The following PLXNC1 variants were observed in gnomAD, a reference collection of about 807,000 sequenced individuals.
The protein encoded by PLXNC1 is plexin-C1.
A neutral mutation model predicts 178.2 loss-of-function variants in PLXNC1; 75 were observed. The observed-to-expected ratio is 0.42, with a 90% CI of 0.35 to 0.51. The LOEUF is 0.51. PLXNC1 is among the 20% of genes least tolerant of loss of function. PLXNC1 has a pLI of 0.02. For synonymous variants in PLXNC1, 790 were observed against 779.9 expected (o/e 1.01, Z -0.22); for missense variants, 1,503 against 1,984.4 (o/e 0.76, Z 4.61).
At chr12:94,261,263 C>G (rs562726848) in intron 20 of PLXNC1, among the ~76,000 whole-genome samples, 2 of 152,190 alleles carry the variant, frequency 1.3e-5, no homozygotes, top group Non-Finnish European at 1.5e-5. Context: ...CCAGTCATTC[C>G]GCATTAAAGC....
At chr12:94,153,709 C>T (rs1304578768) in intron 1 of PLXNC1, among the ~76,000 whole-genome samples, 1 of 152,174 alleles carries the variant, frequency 6.6e-6, no homozygotes, top group Non-Finnish European at 1.5e-5. Flanking sequence ...GACTCTAGAT[C>T]ATTCTAGTTT....
intron 16 of PLXNC1, 43 bp downstream of exon 16, chr12:94,254,931 AT>A: frequency 6.9e-7 from 1 of 1,446,816 alleles, no homozygotes. Context: ...AGCCTTTTAT[AT>A]TTATACTTTT....
chr12:94,270,276 A>T (rs911971582), intron 21 of PLXNC1, among the ~76,000 whole-genome samples: 3 of 152,188 alleles, frequency 2.0e-5, no homozygotes, highest in African/African-American at 7.2e-5. Context: ...TATTTTTATA[A>T]AGTTCTATTG....
At chr12:94,203,462 A>C (rs755893707) in intron 4 of PLXNC1, among the ~76,000 whole-genome samples, 12 of 152,234 alleles carry the variant, frequency 7.9e-5, no homozygotes, top group Non-Finnish European at 1.3e-4. Context: ...CCAGGAACAC[A>C]GTTTGAAAAA....
intron 23 of PLXNC1, among the ~76,000 whole-genome samples, chr12:94,288,767 G>A (rs952964316): frequency 3.9e-5 from 6 of 152,352 alleles, no homozygotes; most frequent in South Asian, 2.1e-4. Flanking sequence ...CGATACTGAC[G>A]GAGGGAGAGC....
At chr12:94,277,504 T>C (rs1396637211) in intron 21 of PLXNC1, among the ~76,000 whole-genome samples, 2 of 152,182 alleles carry the variant, frequency 1.3e-5, no homozygotes, top group African/African-American at 4.8e-5. Context: ...GTGCGGTTAC[T>C]GTTGTTATGC....
At chr12:94,216,278 A>AG (rs1963644289) in intron 5 of PLXNC1, among the ~76,000 whole-genome samples, 1 of 151,854 alleles carries the variant, frequency 6.6e-6, no homozygotes. Context: ...CAAAAAAAAA[A>AG]AAGAGTTAAC....
intron 1 of PLXNC1, among the ~76,000 whole-genome samples, chr12:94,156,348 C>T (rs1053704643): frequency 6.6e-6 from 1 of 152,162 alleles, no homozygotes; most frequent in Admixed American, 6.5e-5. Context: ...TCCTTAGTCT[C>T]CCTGTTAACA....
chr12:94,212,003 G>A (rs975172522), intron 5 of PLXNC1, among the ~76,000 whole-genome samples: 4 of 152,128 alleles, frequency 2.6e-5, no homozygotes, highest in Non-Finnish European at 5.9e-5. Context: ...GGCCGGGCGC[G>A]GTGGCTCACG....
At chr12:94,209,072 G>A (rs1208845560) in intron 4 of PLXNC1, among the ~76,000 whole-genome samples, 1 of 152,208 alleles carries the variant, frequency 6.6e-6, no homozygotes, top group Non-Finnish European at 1.5e-5. Context: ...GGCAGACTCT[G>A]CCCTTGAAAT....
chr12:94,251,456 G>C lies in PLXNC1; in HGVS notation c.2809G>C (p.Glu937Gln). The stretch of plus-strand genomic sequence containing the variant: ...GCTGGGAAACCTGGAGCTCTACGTC[G>C]AGCAGGAGTCAGTTCCTTCCACATG... ...VKLGNLELYV[E>Q]QESVPSTWYF... Residue 937 changes from glutamate to glutamine, a missense_variant, in exon 15 of 31, where the codon GAG becomes CAG. Coordinates refer to ENST00000258526, the MANE Select transcript of PLXNC1 (RefSeq NM_005761.3). 6.2e-7 allele frequency: 1 copy of C among 1,613,282 alleles called. No homozygotes were observed. The highest frequency in any genetic ancestry group is 8.5e-7 in the Non-Finnish European group (1 of 1,179,202).
chr12:94,257,114 C>A (rs192727638), intron 17 of PLXNC1, among the ~76,000 whole-genome samples: 28 of 152,248 alleles, frequency 1.8e-4, no homozygotes, highest in Admixed American at 1.7e-3. Flanking sequence ...GGAAACAGAT[C>A]GTAAGAAGAC....
chr12:94,228,190 GA>G (rs1464628637), intron 9 of PLXNC1, among the ~76,000 whole-genome samples: 2 of 152,236 alleles, frequency 1.3e-5, no homozygotes, highest in African/African-American at 4.8e-5. Flanking sequence ...AAATGGATAT[GA>G]AGTTAATTAA....
At chr12:94,150,142 G>A (rs915791015) in intron 1 of PLXNC1, 109 bp downstream of exon 1, 1 of 936,042 alleles carries the variant, frequency 1.1e-6, no homozygotes, top group African/African-American at 1.8e-5. Flanking sequence ...GTACAGCCGG[G>A]TGACATTTAC....
intron 4 of PLXNC1, among the ~76,000 whole-genome samples, chr12:94,190,536 T>G (rs1477934655): frequency 2.0e-5 from 3 of 152,306 alleles, no homozygotes; most frequent in Admixed American, 1.3e-4. Flanking sequence ...CCACCACACC[T>G]GGCCAAAAGC....
At chr12:94,201,777 T>TC (rs1963131216) in intron 4 of PLXNC1, among the ~76,000 whole-genome samples, 2 of 76,416 alleles carry the variant, frequency 2.6e-5, no homozygotes, top group African/African-American at 7.8e-5. Context: ...TTTTTTTTTT[T>TC]TTTTTTTTTG....
At chr12:94,179,763 G>T (rs913907878) in intron 2 of PLXNC1, among the ~76,000 whole-genome samples, 15 of 143,550 alleles carry the variant, frequency 1.0e-4, no homozygotes, top group Middle Eastern at 3.7e-3. Context: ...AAAAAAAAAT[G>T]ACATGGTCCC....
At chr12:94,229,368 G>A (rs186159495) in intron 9 of PLXNC1, among the ~76,000 whole-genome samples, 46 of 152,154 alleles carry the variant, frequency 3.0e-4, no homozygotes, top group South Asian at 6.2e-4. Flanking sequence ...TTTTCATTCC[G>A]TTGACTGTGT....
At chr12:94,292,213 A>G (rs1967409480) in intron 23 of PLXNC1, among the ~76,000 whole-genome samples, 1 of 152,222 alleles carries the variant, frequency 6.6e-6, no homozygotes, top group Non-Finnish European at 1.5e-5. Flanking sequence ...GTATGATTCT[A>G]TTTATATGAT....
Sources: allele counts gnomAD v4.1 joint callset (sites outside exome capture counted in the v4.1 genomes callset), GRCh38; gene constraint gnomAD v4.1.1; transcripts MANE v1.5; gene names NCBI Gene and HGNC (gene_info 2026-07-23, HGNC 2026-07-21).